The following RSRC1 variants were observed in gnomAD, a reference collection of about 807,000 sequenced individuals.
The protein encoded by RSRC1 is arginine and serine rich coiled-coil 1, also known as serine/Arginine-related protein 53.
Under a neutral mutation model 49.1 loss-of-function variants are expected in RSRC1, and 39 were observed. The observed-to-expected ratio is 0.79, with a 90% CI of 0.61 to 1.04. The LOEUF (loss-of-function observed/expected upper bound fraction) is 1.04, where lower values mean the gene tolerates loss of function less well. Among genes scored for constraint, RSRC1 ranks in the 50% least tolerant of loss-of-function variants. RSRC1 has a pLI of 0.00. For missense variants in RSRC1, 388 were observed against 402.4 expected, an observed-to-expected ratio of 0.96 and a Z score of 0.31; for synonymous variants, 143 against 130.8, an observed-to-expected ratio of 1.09 and a Z score of -0.63.
chr3:158,145,005 G>T (rs13060716), intron 3 of RSRC1, among the ~76,000 whole-genome samples: 1 of 151,898 alleles, frequency 6.6e-6, no homozygotes, highest in South Asian at 2.1e-4. Context: ...AAATTTGTTT[G>T]AGTTCTTTGT....
At chr3:158,487,946 C>CAAAAAAAAAAAAAAAAAAAAAAAAAAAAA (rs1303656428) in intron 7 of RSRC1, among the ~76,000 whole-genome samples, 3 of 11,480 alleles carry the variant, frequency 2.6e-4, no homozygotes, top group South Asian at 4.3e-3. Flanking sequence ...GACTCCATCT[C>CAAAAAAAAAAAAAAAAAAAAAAAAAAAAA]AAGAAAAAAA....
At chr3:158,286,131 T>C (rs1726540369) in intron 4 of RSRC1, among the ~76,000 whole-genome samples, 1 of 152,248 alleles carries the variant, frequency 6.6e-6, no homozygotes, top group Admixed American at 6.5e-5. Context: ...AGCTAGTGTT[T>C]ATTTTTACTT....
chr3:158,250,983 G>A (rs926173376), intron 4 of RSRC1, among the ~76,000 whole-genome samples: 5 of 152,240 alleles, frequency 3.3e-5, no homozygotes, highest in South Asian at 4.1e-4. Context: ...TTAAATTTAA[G>A]TCTTTCATTG....
intron 7 of RSRC1, among the ~76,000 whole-genome samples, chr3:158,517,624 G>A (rs1433681800): frequency 6.7e-6 from 1 of 150,136 alleles, no homozygotes; most frequent in Non-Finnish European, 1.5e-5. Context: ...ACAGGGTCTT[G>A]CTGTGTTGCC....
intron 5 of RSRC1, among the ~76,000 whole-genome samples, chr3:158,342,175 C>T (rs1209587032): frequency 6.6e-6 from 1 of 152,050 alleles, no homozygotes; most frequent in Non-Finnish European, 1.5e-5. Context: ...CGAGTTAAGC[C>T]TTTGGGGTAC....
chr3:158,503,119 G>C (rs1306027999), intron 7 of RSRC1, among the ~76,000 whole-genome samples: 1 of 152,134 alleles, frequency 6.6e-6, no homozygotes, highest in Non-Finnish European at 1.5e-5. Flanking sequence ...TATGGACGTG[G>C]CTTCCTGTGA....
At chr3:158,417,528 G>A (rs1454860121) in intron 6 of RSRC1, among the ~76,000 whole-genome samples, 1 of 151,836 alleles carries the variant, frequency 6.6e-6, no homozygotes, top group Admixed American at 6.6e-5. Context: ...CTGAAAAACG[G>A]TTTTCACTAT....
intron 6 of RSRC1, among the ~76,000 whole-genome samples, chr3:158,397,325 T>C (rs1243512920): frequency 6.6e-6 from 1 of 152,224 alleles, no homozygotes; most frequent in Non-Finnish European, 1.5e-5. Context: ...AGCCATAACA[T>C]AGAGTATATA....
chr3:158,293,434 C>T (rs1727059802), intron 4 of RSRC1, among the ~76,000 whole-genome samples: 1 of 151,924 alleles, frequency 6.6e-6, no homozygotes, highest in Non-Finnish European at 1.5e-5. Flanking sequence ...TTTGGGAAAC[C>T]CTTCTGAATC....
At position 158,374,444 on chromosome 3, in the gene RSRC1, T is replaced by C. The variant is rs866758867; in HGVS notation, c.583+19536T>C. On this transcript the variant is annotated intron_variant, in intron 6 of 9. Coordinates refer to ENST00000611884, the MANE Select transcript of RSRC1 (RefSeq NM_001271838.2). ...TCTTTCTCACCTCCCATTCATAAAT[T>C]GGAAAGGAAAATTCATCCCCAGGCA... Among the ~76,000 whole-genome samples the C allele has an allele frequency of 2.0e-5, 3 of 152,144 alleles. No individual in the cohort carries two copies. In the South Asian group the frequency reaches 6.2e-4, roughly 31 times the overall value.
chr3:158,505,518 A>G (rs1176995701), intron 7 of RSRC1, among the ~76,000 whole-genome samples: 1 of 152,148 alleles, frequency 6.6e-6, no homozygotes, highest in Non-Finnish European at 1.5e-5. Context: ...CTGTAAAACT[A>G]TAATGTAAGG....
chr3:158,334,173 A>G (rs938301492), intron 5 of RSRC1, among the ~76,000 whole-genome samples: 1 of 152,172 alleles, frequency 6.6e-6, no homozygotes, highest in African/African-American at 2.4e-5. Flanking sequence ...GTTTAAAACT[A>G]TATAAAGTTT....
At chr3:158,230,932 C>G (rs1246802091) in intron 4 of RSRC1, among the ~76,000 whole-genome samples, 1 of 152,080 alleles carries the variant, frequency 6.6e-6, no homozygotes, top group Non-Finnish European at 1.5e-5. Context: ...AGGACTGTCA[C>G]ACGTCCTTTC....
intron 6 of RSRC1, among the ~76,000 whole-genome samples, chr3:158,455,252 T>C (rs113979661): frequency 9.2e-5 from 14 of 152,254 alleles, no homozygotes; most frequent in Non-Finnish European, 1.8e-4. Context: ...TTCATGGTGA[T>C]GCAGTATCAA....
chr3:158,477,112 T>A (rs1023193813), intron 7 of RSRC1, among the ~76,000 whole-genome samples: 10 of 152,138 alleles, frequency 6.6e-5, no homozygotes, highest in African/African-American at 2.4e-4. Context: ...CATGAACAAA[T>A]GAGTAGTTGC....
chr3:158,267,132 A>AT lies in RSRC1; in HGVS notation c.495-30900dup, dbSNP rs1559968761. ...AATATGGATGTATTATTGATTGACA[A>AT]TTTTTTTCTTTCCTCATCACTTTGT... On this transcript the variant is annotated intron_variant, in intron 4 of 9. Coordinates refer to ENST00000611884, the MANE Select transcript of RSRC1 (RefSeq NM_001271838.2). Among the ~76,000 whole-genome samples, 3 of 151,878 alleles carry AT rather than the reference A, an allele frequency of 2.0e-5. 1 individual carries two copies. The highest frequency in any genetic ancestry group is 7.3e-5 in the African/African-American group (3 of 41,338).
chr3:158,300,176 A>G (rs1526193), intron 5 of RSRC1, among the ~76,000 whole-genome samples: 72,392 of 151,954 alleles, frequency 0.48, 17,807 homozygotes, highest in East Asian at 0.64. Flanking sequence ...CCTCAAATAT[A>G]TTTCAAAGAT....
intron 4 of RSRC1, among the ~76,000 whole-genome samples, chr3:158,238,828 C>T (rs1176191287): frequency 6.6e-6 from 1 of 152,126 alleles, no homozygotes; most frequent in Non-Finnish European, 1.5e-5. Flanking sequence ...ATGACTAAAA[C>T]ACCAAAAGCA....
At chr3:158,432,223 A>C (rs183356465) in intron 6 of RSRC1, among the ~76,000 whole-genome samples, 1 of 152,134 alleles carries the variant, frequency 6.6e-6, no homozygotes, top group East Asian at 1.9e-4. Context: ...GAAAAAATTA[A>C]CTTTGAATGA....
Sources: allele counts gnomAD v4.1 joint callset (sites outside exome capture counted in the v4.1 genomes callset), GRCh38; gene constraint gnomAD v4.1.1; transcripts MANE v1.5; gene names NCBI Gene and HGNC (gene_info 2026-07-23, HGNC 2026-07-21).